UBP1: variants seen among roughly 807,000 people sequenced by gnomAD.
UBP1 encodes upstream binding protein 1.
Under a neutral mutation model 76.1 loss-of-function variants are expected in UBP1, and 22 were observed. The ratio of observed to expected loss-of-function variants is 0.29; its 90% CI spans 0.21 to 0.41. The LOEUF (loss-of-function observed/expected upper bound fraction) is 0.41. Ranked by LOEUF, UBP1 falls within the 10% of genes least tolerant of loss-of-function variation. The pLI is 1.00. For synonymous variants in UBP1, 224 were observed against 237.1 expected, an observed-to-expected ratio of 0.94 and a Z score of 0.51; for missense variants, 436 against 668.1, an observed-to-expected ratio of 0.65 and a Z score of 3.83.
At position 33,413,170 on chromosome 3, in the gene UBP1, G is replaced by A. The variant is rs374272086; in HGVS notation, c.343-343C>T. Among the ~76,000 whole-genome samples the A allele has an allele frequency of 1.8e-3, 277 of 152,276 alleles. 2 individuals are homozygous for A. Among genetic ancestry groups the A allele is most frequent in the African/African-American group, 6.4e-3 (265 of 41,546 alleles). ...ATAAAGAAAATACCAGATGCACACA[G>A]GAGTTATTAAAAATGAAAAGATGGA... On this transcript the variant is annotated intron_variant, in intron 3 of 15. Coordinates refer to ENST00000283629, the MANE Select transcript of UBP1 (RefSeq NM_014517.5).
chr3:33,394,293 A>G (rs919794509), intron 13 of UBP1, among the ~76,000 whole-genome samples: 16 of 151,822 alleles, frequency 1.1e-4, no homozygotes, highest in Middle Eastern at 3.4e-3. Flanking sequence ...CAGTCTGCCC[A>G]GTTAGGCCTC....
At chr3:33,400,550 T>G (rs1229006153) in intron 10 of UBP1, among the ~76,000 whole-genome samples, 5 of 152,222 alleles carry the variant, frequency 3.3e-5, no homozygotes, top group Admixed American at 3.3e-4. Context: ...AACATTTCAT[T>G]GTCTTAAGTG....
intron 8 of UBP1, chr3:33,403,568 G>GTCTATCTATCTATCTATCTATCTATCTA (rs1376314757): frequency 4.4e-4 from 59 of 133,470 alleles, no homozygotes; most frequent in East Asian, 1.0e-3. Context: ...CTGTCTGTCT[G>GTCTATCTATCTATCTATCTATCTATCTA]TCTGTCTGTC....
chr3:33,400,714 G>C (rs2044193588), intron 10 of UBP1, among the ~76,000 whole-genome samples: 1 of 152,134 alleles, frequency 6.6e-6, no homozygotes, highest in South Asian at 2.1e-4. Context: ...CTGGATTAAA[G>C]GGTGCAAACA....
chr3:33,434,275 G>C (rs2045164955), intron 1 of UBP1, among the ~76,000 whole-genome samples: 1 of 143,374 alleles, frequency 7.0e-6, no homozygotes, highest in South Asian at 2.3e-4. Flanking sequence ...TAAGGTTTCA[G>C]TAGTCAGCAA....
chr3:33,411,735 TA>T, intron 4 of UBP1, 48 bp from the exon 5 acceptor site: 1 of 1,459,958 alleles, frequency 6.8e-7, no homozygotes, highest in Non-Finnish European at 9.6e-7. Context: ...TTAAATAACT[TA>T]AAAAACTTAC....
chr3:33,393,539 G>T, intron 13 of UBP1, 85 bp from the exon 14 acceptor site: 1 of 1,335,634 alleles, frequency 7.5e-7, no homozygotes, highest in Non-Finnish European at 1.0e-6. Context: ...CTGTACGAAG[G>T]TCACACCTTT....
chr3:33,429,353 A>ATT (rs568312502), intron 1 of UBP1, among the ~76,000 whole-genome samples: 3 of 145,500 alleles, frequency 2.1e-5, no homozygotes, highest in African/African-American at 7.5e-5. Flanking sequence ...GTGTTTCTTT[A>ATT]TTTTTTTTTT....
At chr3:33,438,500 A>T (rs2045236385) in intron 1 of UBP1, among the ~76,000 whole-genome samples, 1 of 152,192 alleles carries the variant, frequency 6.6e-6, no homozygotes, top group African/African-American at 2.4e-5. Flanking sequence ...TTCCTCAACA[A>T]CTGAAACAGC....
At position 33,439,827 on chromosome 3, in the gene UBP1, C is replaced by T. The variant is rs983028946; in HGVS notation, c.22G>A (p.Asp8Asn). 1.2e-6 allele frequency: 2 copies of T among 1,612,252 alleles called. No individual in the cohort carries two copies. The highest frequency in any genetic ancestry group is 1.7e-6 in the Non-Finnish European group (2 of 1,179,576). Residue 8 changes from aspartate (D) to asparagine (N), a missense_variant, in exon 1 of 16, where the codon GAC becomes AAC. Asp to Asn is a conservative substitution (Grantham distance 23, BLOSUM62 1). Around this residue, in one of 3 missense-constraint regions of UBP1, gnomAD observed 161 missense variants for 237.9 expected, o/e 0.68. Coordinates refer to ENST00000283629, the MANE Select transcript of UBP1 (RefSeq NM_014517.5). MAWVLKM[D>N]EVIESGLVHD... is the part of the protein sequence containing the mutation. ...ACCAGCCCGGACTCGATCACCTCGT[C>T]CATCTTGAGCACCCAGGCCATCTTC...
chr3:33,426,039 A>ATATATATATATATATATATATG (rs61119304), intron 1 of UBP1, among the ~76,000 whole-genome samples: 3 of 82,864 alleles, frequency 3.6e-5, no homozygotes, highest in Admixed American at 1.9e-4. Flanking sequence ...ATATATATAT[A>ATATATATATATATATATATATG]GCACTTTAAA....
rs562758438 is a variant in UBP1, at chr3:33,411,805, A to G, written c.449-118T>C. The G allele has an allele frequency of 2.7e-4, 202 of 755,674 alleles. 1 individual carries two copies. The South Asian group carries it at 2.7e-3, about 10-fold the overall frequency. 46.8% of individuals were successfully genotyped at this position (755,674 alleles called of 1,614,324 possible). ...TAACTGCTTTGAACTCTGTCTTTCAATGGTCTCCATGATCAACTTCTTCAA... is the reference window on the plus strand; with the variant it reads ...TAACTGCTTTGAACTCTGTCTTTCAGTGGTCTCCATGATCAACTTCTTCAA... On this transcript the variant is annotated intron_variant, in intron 4 of 15. Transcript: ENST00000283629.
At chr3:33,399,574 G>A (rs2044143148) in intron 11 of UBP1, among the ~76,000 whole-genome samples, 1 of 152,190 alleles carries the variant, frequency 6.6e-6, no homozygotes, top group African/African-American at 2.4e-5. Flanking sequence ...CTATATGATT[G>A]CATTTATATA....
intron 4 of UBP1, 137 bp downstream of exon 4, chr3:33,412,585 A>C: frequency 1.9e-6 from 1 of 538,984 alleles, no homozygotes; most frequent in East Asian, 3.4e-5. Flanking sequence ...CTGTCTCAAA[A>C]AAAAAAAAAA....
intron 3 of UBP1, among the ~76,000 whole-genome samples, chr3:33,415,356 C>A (rs1158481472): frequency 6.6e-6 from 1 of 152,148 alleles, no homozygotes; most frequent in African/African-American, 2.4e-5. Flanking sequence ...CCTCAGAACA[C>A]TGAATGGTCA....
In UBP1 at chr3:33,400,208, T is replaced by C. The variant is rs1197936641; in HGVS notation, c.1161A>G (p.Arg387=). 1.3e-6 allele frequency: 2 copies of C among 1,598,908 alleles called. No homozygotes were observed. Among genetic ancestry groups the C allele is most frequent in the Non-Finnish European group, 8.5e-7 (1 of 1,175,158 alleles). ...ACATACCTGAAAAATTAGAGAACAG[T>C]CTTGTGTAGGAAGAGAATCTGTTTT... ...LLKNRFSSYT[R]LFSNFSGADL... is the part of the protein sequence containing the mutation. The change falls in exon 11 of 16, where the codon AGA becomes AGG. Residue 387 remains arginine (R), a synonymous_variant. Transcript: ENST00000283629.
intron 8 of UBP1, 33 bp from the exon 9 acceptor site, chr3:33,402,937 T>C (rs1210402163): frequency 6.5e-7 from 1 of 1,530,648 alleles, no homozygotes; most frequent in East Asian, 2.3e-5. Context: ...ATTAGTGATA[T>C]GCTTTTAAAA....
In UBP1 at chr3:33,439,862, C is replaced by T. The variant is rs1167358489; in HGVS notation, c.-14G>A. On this transcript the variant is annotated 5_prime_UTR_variant, in exon 1 of 16. Transcript: ENST00000283629. ...CACCCAGGCCATCTTCCGGCCTCGC[C>T]GTCGCCCCGCACACCGCGGCCTCCG... The T allele has an allele frequency of 1.9e-6, 3 of 1,610,576 alleles. No homozygotes were observed. Among genetic ancestry groups the T allele is most frequent in the East Asian group, 2.2e-5 (1 of 44,676 alleles).
chr3:33,399,862 T>C (rs2044155662), intron 11 of UBP1, among the ~76,000 whole-genome samples: 1 of 152,232 alleles, frequency 6.6e-6, no homozygotes, highest in African/African-American at 2.4e-5. Flanking sequence ...ACTAGCTCTG[T>C]AACTTACTGT....
Sources: gnomAD v4.1 joint callset for allele counts (sites outside exome capture counted in the v4.1 genomes callset) on GRCh38, gnomAD v4.1.1 for gene constraint, gnomAD v4.1.1 regional missense constraint, MANE v1.5 for transcripts, NCBI Gene and HGNC (gene_info 2026-07-23, HGNC 2026-07-21) for gene names.